The following DCDC1 variants were observed in gnomAD, a reference collection of about 807,000 sequenced individuals.
DCDC1 encodes doublecortin domain containing 1.
Under a neutral mutation model 178.3 loss-of-function variants are expected in DCDC1, and 200 were observed. The ratio of observed to expected loss-of-function variants is 1.12; its 90% CI spans 1.00 to 1.26. DCDC1 has a LOEUF of 1.26. Among genes scored for constraint, DCDC1 ranks in the 50% most tolerant of loss-of-function variants. DCDC1 has a pLI of 0.00. For missense variants in DCDC1, 1,983 were observed against 1,749.2 expected (o/e 1.13, Z -2.38); for synonymous variants, 690 against 604.8 (o/e 1.14, Z -2.07).
chr11:30,932,724 G>C (rs1947015706), intron 21 of DCDC1, among the ~76,000 whole-genome samples: 1 of 152,120 alleles, frequency 6.6e-6, no homozygotes, highest in South Asian at 2.1e-4. Context: ...AAATGTCATA[G>C]AACTGAGTCC....
intron 7 of DCDC1, among the ~76,000 whole-genome samples, chr11:31,273,410 G>A (rs990232283): frequency 1.3e-5 from 2 of 152,052 alleles, no homozygotes; most frequent in African/African-American, 4.8e-5. Flanking sequence ...CAATTTCAAA[G>A]TTCCACAAAT....
chr11:31,226,945 C>A (rs143781666), intron 9 of DCDC1, among the ~76,000 whole-genome samples: 6 of 151,778 alleles, frequency 4.0e-5, no homozygotes, highest in Admixed American at 3.9e-4. Context: ...ATAAAATAGA[C>A]GACAACAGTG....
intron 20 of DCDC1, among the ~76,000 whole-genome samples, chr11:31,050,786 C>A (rs1955193890): frequency 6.6e-6 from 1 of 152,212 alleles, no homozygotes; most frequent in Admixed American, 6.5e-5. Flanking sequence ...CAGGAAGCTA[C>A]ATCTATAGGA....
chr11:31,105,808 T>C (rs1373465513), intron 13 of DCDC1, among the ~76,000 whole-genome samples: 1 of 152,154 alleles, frequency 6.6e-6, no homozygotes, highest in Non-Finnish European at 1.5e-5. Flanking sequence ...TTCGAAATTT[T>C]AACTATTTGA....
chr11:31,362,757 G>A (rs1289800729), intron 1 of DCDC1, among the ~76,000 whole-genome samples: 1 of 152,118 alleles, frequency 6.6e-6, no homozygotes, highest in Non-Finnish European at 1.5e-5. Flanking sequence ...ATATTTTGTG[G>A]AAATTCATCA....
chr11:31,257,731 CACAT>C (rs1345931718), intron 8 of DCDC1, among the ~76,000 whole-genome samples: 30 of 151,764 alleles, frequency 2.0e-4, no homozygotes, highest in African/African-American at 6.3e-4. Flanking sequence ...TACACACACA[CACAT>C]ACACACACGC....
At chr11:31,339,738 T>C (rs1034769786) in intron 1 of DCDC1, among the ~76,000 whole-genome samples, 4 of 152,186 alleles carry the variant, frequency 2.6e-5, no homozygotes, top group Non-Finnish European at 5.9e-5. Flanking sequence ...AGCAACATTG[T>C]AATCACAGAA....
intron 9 of DCDC1, among the ~76,000 whole-genome samples, chr11:31,206,583 T>C (rs1302330028): frequency 1.3e-5 from 2 of 152,150 alleles, no homozygotes; most frequent in African/African-American, 4.8e-5. Flanking sequence ...CCTGCTATTT[T>C]TTTGTACTTT....
intron 3 of DCDC1, among the ~76,000 whole-genome samples, chr11:31,315,248 T>C (rs1949006729): frequency 6.6e-6 from 1 of 150,638 alleles, no homozygotes; most frequent in African/African-American, 2.4e-5. Flanking sequence ...TACTCCCCTG[T>C]AATATCCCTC....
At chr11:30,866,705 G>A (rs1309816429) in intron 38 of DCDC1, among the ~76,000 whole-genome samples, 2 of 152,022 alleles carry the variant, frequency 1.3e-5, no homozygotes, top group East Asian at 3.9e-4. Flanking sequence ...AGAACTGTGA[G>A]ACAACACACT....
At chr11:31,328,607 G>A (rs886845112) in intron 2 of DCDC1, among the ~76,000 whole-genome samples, 3 of 151,982 alleles carry the variant, frequency 2.0e-5, no homozygotes, top group Non-Finnish European at 2.9e-5. Flanking sequence ...GACCATCCTG[G>A]CTAACACAGT....
At chr11:31,205,889 C>T (rs761061210) in intron 9 of DCDC1, among the ~76,000 whole-genome samples, 1 of 151,960 alleles carries the variant, frequency 6.6e-6, no homozygotes, top group Non-Finnish European at 1.5e-5. Flanking sequence ...AACCGGCTGC[C>T]CTATAATTTA....
intron 20 of DCDC1, among the ~76,000 whole-genome samples, chr11:30,989,622 TTG>T (rs1950859035): frequency 6.6e-6 from 1 of 152,192 alleles, no homozygotes; most frequent in African/African-American, 2.4e-5. Context: ...ACCAGCATAT[TTG>T]TGCTTTCTAA....
chr11:30,969,998 A>G (rs1949689875), intron 20 of DCDC1, among the ~76,000 whole-genome samples: 1 of 152,212 alleles, frequency 6.6e-6, no homozygotes, highest in Non-Finnish European at 1.5e-5. Flanking sequence ...AAGACAGAAC[A>G]CTGGAATTCA....
At chr11:30,894,445 A>G in intron 34 of DCDC1, 61 bp from the exon 35 acceptor site, 1 of 1,590,494 alleles carries the variant, frequency 6.3e-7, no homozygotes, top group Admixed American at 1.8e-5. Context: ...TTTCAAATAA[A>G]CTGATTTGGC....
At chr11:31,018,263 A>C (rs1385352634) in intron 20 of DCDC1, among the ~76,000 whole-genome samples, 2 of 152,226 alleles carry the variant, frequency 1.3e-5, no homozygotes, top group Non-Finnish European at 2.9e-5. Context: ...GAGGGTATTG[A>C]AAGAAATTTC....
intron 1 of DCDC1, among the ~76,000 whole-genome samples, chr11:31,368,332 A>G (rs1011011781): frequency 6.6e-6 from 1 of 152,242 alleles, no homozygotes; most frequent in Admixed American, 6.5e-5. Flanking sequence ...GGAGTACCGG[A>G]GCATATCTAC....
chr11:30,925,441 T>C, intron 22 of DCDC1, 33 bp from the exon 23 acceptor site: 3 of 1,579,966 alleles, frequency 1.9e-6, no homozygotes, highest in Non-Finnish European at 2.6e-6. Context: ...TGACCTTGCA[T>C]ACAGAAAGCT....
chr11:31,322,692 C>A (rs1421864624), intron 3 of DCDC1, among the ~76,000 whole-genome samples: 1 of 152,126 alleles, frequency 6.6e-6, no homozygotes, highest in Non-Finnish European at 1.5e-5. Context: ...AAGGATCTAG[C>A]CAATATTCTG....
Sources: allele counts gnomAD v4.1 joint callset (sites outside exome capture counted in the v4.1 genomes callset), GRCh38; gene constraint gnomAD v4.1.1; transcripts MANE v1.5; gene names NCBI Gene and HGNC (gene_info 2026-07-23, HGNC 2026-07-21).